The following MARK1 variants were observed in gnomAD, a reference collection of about 807,000 sequenced individuals.
MARK1 encodes the protein microtubule affinity regulating kinase 1.
In MARK1, 40 loss-of-function variants were observed where a neutral mutation model predicts 96.3. The ratio of observed to expected loss-of-function variants is 0.42; its 90% CI spans 0.32 to 0.54. The LOEUF (loss-of-function observed/expected upper bound fraction) is 0.54. Among genes scored for constraint, MARK1 ranks in the 20% least tolerant of loss-of-function variants. The pLI is 0.16. For synonymous variants in MARK1, 317 were observed against 341.2 expected, an observed-to-expected ratio of 0.93 and a Z score of 0.78; for missense variants, 719 against 984.6, an observed-to-expected ratio of 0.73 and a Z score of 3.61.
At position 220,579,384 on chromosome 1, in the gene MARK1, C is replaced by T. The variant is rs1365189722; in HGVS notation, c.82C>T (p.His28Tyr). 1 of 1,613,926 alleles carries T rather than the reference C, an allele frequency of 6.2e-7. No individual in the cohort carries two copies. The highest frequency in any genetic ancestry group is 1.1e-5 in the South Asian group (1 of 91,082). Residue 28 changes from histidine to tyrosine, a missense_variant, in exon 2 of 18, where the codon CAC (histidine) becomes TAC (tyrosine). Around this residue, in one of 4 missense-constraint regions of MARK1, gnomAD observed 105 missense variants for 133.4 expected, o/e 0.79. Transcript: ENST00000366917. Reference protein sequence around the residue: ...HTSVDGYTEPHIQPTKSSSRQ... With the variant: ...HTSVDGYTEPYIQPTKSSSRQ... ...ATCTGTGGATGGATATACTGAACCA[C>T]ACATCCAGCCTACCAAGTCGAGTAG... is the stretch of plus-strand genomic sequence containing the variant.
chr1:220,637,350 G>A (rs1668023184), intron 13 of MARK1, among the ~76,000 whole-genome samples: 1 of 152,148 alleles, frequency 6.6e-6, no homozygotes, highest in African/African-American at 2.4e-5. Context: ...CACATGCCTT[G>A]TTAGGCAGAT....
intron 2 of MARK1, among the ~76,000 whole-genome samples, chr1:220,580,533 G>A (rs1367769967): frequency 6.6e-6 from 1 of 151,990 alleles, no homozygotes; most frequent in African/African-American, 2.4e-5. Flanking sequence ...TTTGCTCTAT[G>A]TATAATATTA....
intron 6 of MARK1, among the ~76,000 whole-genome samples, chr1:220,609,732 T>C (rs888283361): frequency 6.6e-6 from 1 of 152,238 alleles, no homozygotes; most frequent in African/African-American, 2.4e-5. Flanking sequence ...CTTCAGGAGC[T>C]ATTGTAAGGC....
chr1:220,565,898 G>T (rs1663020491), intron 1 of MARK1, among the ~76,000 whole-genome samples: 1 of 152,180 alleles, frequency 6.6e-6, no homozygotes, highest in Non-Finnish European at 1.5e-5. Flanking sequence ...GCCCCAAGAG[G>T]AATCCTTTGG....
Position 220,623,200 on chromosome 1 carries a change from C to T in MARK1, c.909+4445C>T, listed in dbSNP as rs144250436. 5.6e-4 allele frequency among the ~76,000 whole-genome samples: 86 copies of T among 152,244 alleles called. 1 individual carries two copies. The highest frequency in any genetic ancestry group is 1.8e-3 in the African/African-American group (76 of 41,556). On this transcript the variant is annotated intron_variant, in intron 9 of 17. Coordinates refer to ENST00000366917, the MANE Select transcript of MARK1 (RefSeq NM_018650.5). ...CCTGAGACCACCCAGACTCGGGTTACATGAGCTCTCTCCTGTCACCCAGTA... is the reference window on the plus strand; with the variant it reads ...CCTGAGACCACCCAGACTCGGGTTATATGAGCTCTCTCCTGTCACCCAGTA...
intron 1 of MARK1, among the ~76,000 whole-genome samples, chr1:220,564,483 G>T (rs544195861): frequency 7.1e-4 from 108 of 151,438 alleles, no homozygotes; most frequent in Non-Finnish European, 1.3e-3. Context: ...TAATTGTTAA[G>T]AAGGTAAAAA....
At chr1:220,547,297 G>A (rs2102731421) in intron 1 of MARK1, among the ~76,000 whole-genome samples, 1 of 152,278 alleles carries the variant, frequency 6.6e-6, no homozygotes, top group African/African-American at 2.4e-5. Context: ...TTAAACCAGT[G>A]GAATTGGCTT....
chr1:220,643,076 C>T (rs1668371210), intron 13 of MARK1, among the ~76,000 whole-genome samples: 1 of 152,112 alleles, frequency 6.6e-6, no homozygotes, highest in Non-Finnish European at 1.5e-5. Context: ...ACCTCTCCAG[C>T]AAGGGAACAG....
intron 3 of MARK1, among the ~76,000 whole-genome samples, 177 bp downstream of exon 3, chr1:220,581,295 ACTAT>A (rs1664225091): frequency 6.6e-6 from 1 of 152,272 alleles, no homozygotes; most frequent in African/African-American, 2.4e-5. Flanking sequence ...TTGCTTGAAA[ACTAT>A]CTACTACTTA....
chr1:220,647,449 T>C (rs961700522), intron 13 of MARK1, among the ~76,000 whole-genome samples: 9 of 152,158 alleles, frequency 5.9e-5, no homozygotes, highest in Non-Finnish European at 1.3e-4. Context: ...TTGGTGGGAA[T>C]GTAAATTAGT....
At position 220,654,587 on chromosome 1, in the gene MARK1, G is replaced by A. The variant is rs998637087; in HGVS notation, c.1988+1235G>A. On this transcript the variant is annotated intron_variant, in intron 16 of 17. Transcript: ENST00000366917. This position sits in a 1 kb window ranked among gnomAD's most constrained non-coding sequence, Gnocchi z 4.0. ...AAACTTGCTAGAGAAAGAACTAAAA[G>A]TTCACCAACAGAGTCAGCATGGAAG... 3.3e-5 allele frequency among the ~76,000 whole-genome samples: 5 copies of A among 152,192 alleles called. No homozygotes were observed. Among genetic ancestry groups the A allele is most frequent in the Non-Finnish European group, 7.3e-5 (5 of 68,040 alleles).
chr1:220,621,380 C>T (rs574947104), intron 9 of MARK1, among the ~76,000 whole-genome samples: 2 of 151,970 alleles, frequency 1.3e-5, no homozygotes, highest in African/African-American at 4.8e-5. Context: ...TGTAAGTGAT[C>T]GGATAGCTCT....
intron 7 of MARK1, 93 bp downstream of exon 7, chr1:220,616,088 A>G: frequency 1.6e-6 from 1 of 621,888 alleles, no homozygotes; most frequent in Non-Finnish European, 2.7e-6. Context: ...TTATTGCCTA[A>G]CTGTGCTGCT....
At chr1:220,599,633 C>T (rs1665606544) in intron 4 of MARK1, among the ~76,000 whole-genome samples, 165 bp from the exon 5 acceptor site, 1 of 152,036 alleles carries the variant, frequency 6.6e-6, no homozygotes, top group Non-Finnish European at 1.5e-5. Context: ...AGTTTTCTGT[C>T]ATAGGAGTAA....
chr1:220,660,539 A>C (rs1669419948), intron 17 of MARK1, among the ~76,000 whole-genome samples: 1 of 152,100 alleles, frequency 6.6e-6, no homozygotes, highest in African/African-American at 2.4e-5. Context: ...CTTTCAAGGG[A>C]CTTTTTTTTT....
At chr1:220,555,659 T>A (rs968070709) in intron 1 of MARK1, among the ~76,000 whole-genome samples, 2 of 152,154 alleles carry the variant, frequency 1.3e-5, no homozygotes, top group African/African-American at 4.8e-5. Flanking sequence ...AGGAGCAAAT[T>A]TGATATTTGG....
At chr1:220,635,338 T>G in intron 11 of MARK1, 38 bp from the exon 12 acceptor site, 2 of 1,522,854 alleles carry the variant, frequency 1.3e-6, no homozygotes, top group Non-Finnish European at 1.8e-6. Context: ...TTTTTTTTTT[T>G]TTTTGCTTTA....
chr1:220,560,518 C>T (rs1182763874), intron 1 of MARK1, among the ~76,000 whole-genome samples: 1 of 152,158 alleles, frequency 6.6e-6, no homozygotes, highest in African/African-American at 2.4e-5. Context: ...TGCCCTTGCA[C>T]TTGGACCATT....
rs189222474 is a variant in MARK1, at chr1:220,567,515, G to A, written c.52-11839G>A. 1.3e-3 allele frequency among the ~76,000 whole-genome samples: 197 copies of A among 152,216 alleles called. 3 individuals carry two copies. Among genetic ancestry groups the A allele is most frequent in the Admixed American group, 1.4e-3 (21 of 15,274 alleles). On this transcript the variant is annotated intron_variant, in intron 1 of 17. Transcript: ENST00000366917. The stretch of plus-strand genomic sequence containing the variant: ...ATTAAAGGCTATTCAGGCCTCTTCC[G>A]ATTCCTGAAGAGATACCCGAAAGCT...
Sources: gnomAD v4.1 joint callset for allele counts (sites outside exome capture counted in the v4.1 genomes callset) on GRCh38, gnomAD v4.1.1 for gene constraint, gnomAD v4.1.1 regional missense constraint, Gnocchi (gnomAD v3.1) non-coding constraint, MANE v1.5 for transcripts, NCBI Gene and HGNC (gene_info 2026-07-23, HGNC 2026-07-21) for gene names.